GRHPR: variants seen among roughly 807,000 people sequenced by gnomAD.
GRHPR encodes glyoxylate reductase/hydroxypyruvate reductase.
Under a neutral mutation model 36.8 loss-of-function variants are expected in GRHPR, and 35 were observed. The ratio of observed to expected loss-of-function variants is 0.95; its 90% CI spans 0.73 to 1.26. GRHPR has a LOEUF of 1.26. Ranked by LOEUF, GRHPR falls within the 50% of genes most tolerant of loss-of-function variation. GRHPR has a pLI of 0.00. For synonymous variants in GRHPR, 179 were observed against 181.0 expected (o/e 0.99, Z 0.09); for missense variants, 380 against 435.0 (o/e 0.87, Z 1.12).
chr9:37,426,390 T>G, intron 3 of GRHPR, 148 bp from the exon 4 acceptor site: 1 of 755,006 alleles, frequency 1.3e-6, no homozygotes, highest in Non-Finnish European at 2.5e-6. Context: ...GAATGAGGAC[T>G]GCCCGTTTTT....
At chr9:37,432,779 T>G in intron 8 of GRHPR, 1 of 155,140 alleles carries the variant, frequency 6.4e-6, no homozygotes, top group South Asian at 2.0e-4. Flanking sequence ...ATTACCAGTT[T>G]AGCTGTGAAA....
rs1564300195 is a variant in GRHPR at position 37,429,719 on chromosome 9, CT to C, written c.494-12del. The C allele has an allele frequency of 6.4e-7, 1 of 1,573,864 alleles. No individual in the cohort carries two copies. On this transcript the variant is annotated splice_polypyrimidine_tract_variant and intron_variant, in intron 5 of 8. Transcript: ENST00000318158. ...CGGGACTGGGAACGAGACATGGACTCTCCTTGCTCTAGGCCAGGCCATTGCT... is the reference window on the plus strand; with the variant it reads ...CGGGACTGGGAACGAGACATGGACTCCCTTGCTCTAGGCCAGGCCATTGCT...
chr9:37,423,225 T>C (rs1159447258), intron 1 of GRHPR, among the ~76,000 whole-genome samples: 1 of 147,638 alleles, frequency 6.8e-6, no homozygotes, highest in East Asian at 2.0e-4. Context: ...GTGCAGTGGC[T>C]CGATCGATCG....
chr9:37,437,141 A>C (rs1344916725), downstream of GRHPR, among the ~76,000 whole-genome samples: 2 of 152,098 alleles, frequency 1.3e-5, no homozygotes, highest in African/African-American at 4.8e-5. Context: ...CACTCTTTTT[A>C]AATCGCCACT....
chr9:37,422,517 A>ACC (rs397973316), upstream of GRHPR: 50 of 517,846 alleles, frequency 9.7e-5, no homozygotes, highest in African/African-American at 7.0e-4. Flanking sequence ...CACGAGGCGC[A>ACC]CCCCCCCACA....
chr9:37,429,984 C>T (rs901219060), intron 6 of GRHPR, 148 bp downstream of exon 6: 11 of 691,126 alleles, frequency 1.6e-5, no homozygotes, highest in Non-Finnish European at 2.9e-5. Flanking sequence ...TCTACCTGCC[C>T]CTGGACACTG....
intron 4 of GRHPR, among the ~76,000 whole-genome samples, chr9:37,427,535 G>A (rs1823140454): frequency 6.6e-6 from 1 of 152,048 alleles, no homozygotes; most frequent in Admixed American, 6.6e-5. Flanking sequence ...ATTTCGGCCT[G>A]TATATCAAGA....
At position 37,430,587 on chromosome 9, in the gene GRHPR, C is replaced by CT; in HGVS notation, c.676dup (p.Cys226LeufsTer37). 6.2e-7 allele frequency: 1 copy of CT among 1,613,786 alleles called. No homozygotes were observed. ...CCTTAACACCTGCAACCGAGGGACT[C>CT]TGCAACAAGGACTTCTTCCAGAAGA... On this transcript the variant is annotated frameshift_variant, in exon 7 of 9. Coordinates refer to ENST00000318158, the MANE Select transcript of GRHPR (RefSeq NM_012203.2). LOFTEE classifies it high-confidence loss of function.
At chr9:37,435,853 G>C (rs532831835) in intron 8 of GRHPR, among the ~76,000 whole-genome samples, 6 of 152,282 alleles carry the variant, frequency 3.9e-5, no homozygotes, top group African/African-American at 1.4e-4. Flanking sequence ...GTCCAGGCTG[G>C]CCTCGAACTC....
intron 5 of GRHPR, chr9:37,429,494 TCA>T: frequency 3.5e-6 from 2 of 578,378 alleles, no homozygotes; most frequent in East Asian, 3.1e-5. Flanking sequence ...CATCAGCCAG[TCA>T]CAGCCTCAGG....
chr9:37,430,047 C>T (rs1274901412), intron 6 of GRHPR: 3 of 605,664 alleles, frequency 5.0e-6, no homozygotes, highest in South Asian at 1.9e-5. Flanking sequence ...GCCAGCAGAG[C>T]AGTCCAGGGC....
rs34302950 is a variant in GRHPR, at chr9:37,436,635, C to CCT, written c.866-10_866-9dup. 0.17 allele frequency: 262,370 copies of CCT among 1,516,950 alleles called. 7,536 individuals are homozygous for CCT. The highest frequency in any genetic ancestry group is 0.22 in the Middle Eastern group (1,273 of 5,790). The allele number at this position is 1,516,950 out of a possible 1,614,324, so 94.0% of individuals were successfully genotyped here. A position where few individuals can be genotyped will look rare whatever the true frequency, so the allele number is the denominator to read the frequency against. On this transcript the variant is annotated intron_variant, in intron 8 of 8. Coordinates refer to ENST00000318158, the MANE Select transcript of GRHPR (RefSeq NM_012203.2). ...GCTGCTGAACCACCCTTCTTATCTCCCTCTCTCTCTCTCTCTCCTTTCCAG... is the reference window on the plus strand; with the variant it reads ...GCTGCTGAACCACCCTTCTTATCTCCCTCTCTCTCTCTCTCTCTCCTTTCCAG...
In GRHPR at chr9:37,436,958, A is replaced by G; in HGVS notation, c.*176A>G. 1.5e-6 allele frequency: 1 copy of G among 663,814 alleles called. No individual in the cohort carries two copies. The highest frequency in any genetic ancestry group is 2.7e-6 in the Non-Finnish European group (1 of 375,580). The allele number at this position is 663,814 out of a possible 1,614,324, so 41.1% of individuals were successfully genotyped here. A position where few individuals can be genotyped will look rare whatever the true frequency, so the allele number is the denominator to read the frequency against. On this transcript the variant is annotated 3_prime_UTR_variant, in exon 9 of 9. Coordinates refer to ENST00000318158, the MANE Select transcript of GRHPR (RefSeq NM_012203.2). ...TGTTGGACACATTTGCGCCAAAAGT[A>G]TGGTAATTCTATTATTAAATAATTC...
intron 4 of GRHPR, among the ~76,000 whole-genome samples, chr9:37,427,336 A>T (rs773652360): frequency 1.8e-4 from 27 of 152,144 alleles, no homozygotes; most frequent in Non-Finnish European, 8.8e-5. Context: ...CTAACAGGAG[A>T]CTATTTAAGG....
At chr9:37,422,628 AC>A (rs1430631445), upstream of GRHPR, 5 of 783,952 alleles carry the variant, frequency 6.4e-6, no homozygotes, top group Non-Finnish European at 1.1e-5. Flanking sequence ...GCGAAGCCAC[AC>A]CCCCTGCGCA....
chr9:37,422,588 C>A (rs1418514854), upstream of GRHPR: 3 of 669,360 alleles, frequency 4.5e-6, no homozygotes, highest in East Asian at 8.2e-5. Flanking sequence ...CGCACAGTCA[C>A]CGCTCAGCCG....
chr9:37,423,470 G>C (rs1822938692), intron 1 of GRHPR, among the ~76,000 whole-genome samples: 2 of 150,990 alleles, frequency 1.3e-5, no homozygotes, highest in Admixed American at 1.3e-4. Flanking sequence ...ACCATGACTG[G>C]CCTGAGGACC....
intron 8 of GRHPR, chr9:37,434,804 G>A (rs982790903): frequency 2.0e-5 from 3 of 152,180 alleles, no homozygotes; most frequent in African/African-American, 7.2e-5. Flanking sequence ...TAAACCTGTC[G>A]GCAAATATAG....
At chr9:37,428,333 A>C in intron 4 of GRHPR, 151 bp from the exon 5 acceptor site, 3 of 686,340 alleles carry the variant, frequency 4.4e-6, no homozygotes, top group Admixed American at 1.9e-5. Flanking sequence ...GCTCATCTGC[A>C]GTGCCGAGTG....
Sources: gnomAD v4.1 joint callset for allele counts (sites outside exome capture counted in the v4.1 genomes callset) on GRCh38, gnomAD v4.1.1 for gene constraint, MANE v1.5 for transcripts, NCBI Gene and HGNC (gene_info 2026-07-23, HGNC 2026-07-21) for gene names.